Variants in C2orf42 observed in about 807,000 individuals in gnomAD.
C2orf42 encodes chromosome 2 open reading frame 42.
A neutral mutation model predicts 58.9 loss-of-function variants in C2orf42; 44 were observed. The observed-to-expected ratio is 0.75, with a 90% CI of 0.59 to 0.96. The LOEUF is 0.96. Among genes scored for constraint, C2orf42 ranks in the 40% least tolerant of loss-of-function variants. The pLI is 0.00. For missense variants in C2orf42, 630 were observed against 699.2 expected (o/e 0.90, Z 1.12); for synonymous variants, 239 against 265.4 (o/e 0.90, Z 0.97).
chr2:70,178,693 G>A (rs1674352107), intron 4 of C2orf42, among the ~76,000 whole-genome samples: 1 of 151,886 alleles, frequency 6.6e-6, no homozygotes, highest in East Asian at 1.9e-4. Flanking sequence ...CCAGCACTAT[G>A]GGAAGCCAAA....
chr2:70,165,646 C>A lies in C2orf42; in HGVS notation c.1145-11G>T. ...ATGGTTCTGGTTTGCCTATGGGAAA[C>A]AAGAAGAAACAACTCATTTAAAGAA... On this transcript the variant is annotated splice_polypyrimidine_tract_variant and intron_variant, in intron 6 of 9. Coordinates refer to ENST00000264434, the MANE Select transcript of C2orf42 (RefSeq NM_017880.3). 7.0e-7 allele frequency: 1 copy of A among 1,423,590 alleles called. No individual in the cohort carries two copies. Among genetic ancestry groups the A allele is most frequent in the East Asian group, 2.3e-5 (1 of 43,822 alleles). 88.2% of individuals were successfully genotyped at this position (1,423,590 alleles called of 1,614,324 possible).
Position 70,181,271 on chromosome 2 carries a change from C to T in C2orf42, c.715G>A (p.Asp239Asn), listed in dbSNP as rs1223346262. The T allele has an allele frequency of 6.2e-7, 1 of 1,613,560 alleles. No individual in the cohort carries two copies. Among genetic ancestry groups the T allele is most frequent in the Non-Finnish European group, 8.5e-7 (1 of 1,179,658 alleles). Reference sequence around the variant, plus strand: ...TGAATGCATCTCTGGGCTGTCTCATCCTTGGAGGCATTTGACTTGTGCGAT... The same window carrying T: ...TGAATGCATCTCTGGGCTGTCTCATTCTTGGAGGCATTTGACTTGTGCGAT... The part of the protein sequence containing the change: ...LKSHKSNASK[D>N]ETAQRCIHFF... Residue 239 changes from aspartate (D) to asparagine (N), a missense_variant, in exon 3 of 10, where the codon GAT becomes AAT. Asp to Asn is a conservative substitution (Grantham distance 23). Transcript: ENST00000264434.
chr2:70,173,952 A>G (rs1274605465), intron 5 of C2orf42, among the ~76,000 whole-genome samples: 1 of 152,150 alleles, frequency 6.6e-6, no homozygotes, highest in Non-Finnish European at 1.5e-5. Context: ...AGTAATAAGC[A>G]ATAAGATGAA....
chr2:70,167,193 C>A (rs1056878527), intron 6 of C2orf42, among the ~76,000 whole-genome samples: 1 of 151,356 alleles, frequency 6.6e-6, no homozygotes, highest in Non-Finnish European at 1.5e-5. Flanking sequence ...TCCATCTCTA[C>A]TAAAAATACA....
intron 5 of C2orf42, among the ~76,000 whole-genome samples, chr2:70,174,381 T>C (rs1047244219): frequency 2.0e-5 from 3 of 152,126 alleles, no homozygotes; most frequent in Non-Finnish European, 4.4e-5. Context: ...CACGCAGTTG[T>C]AAGAAATATA....
intron 4 of C2orf42, 83 bp from the exon 5 acceptor site, chr2:70,175,860 T>C (rs1674157648): frequency 5.7e-6 from 5 of 869,788 alleles, no homozygotes; most frequent in Non-Finnish European, 1.9e-6. Flanking sequence ...GTCTAAAACA[T>C]ATAAACAGTC....
intron 4 of C2orf42, 31 bp from the exon 5 acceptor site, chr2:70,175,808 T>G (rs764959439): frequency 1.6e-5 from 19 of 1,210,568 alleles, no homozygotes; most frequent in Non-Finnish European, 2.3e-5. Flanking sequence ...GGTTTAACAA[T>G]GTATCTGCTA....
rs534316122 is a variant in C2orf42, at chr2:70,158,456, T to C, written c.1516+2169A>G. Among the ~76,000 whole-genome samples the C allele has an allele frequency of 1.6e-3, 237 of 152,188 alleles. 1 individual carries two copies. Among genetic ancestry groups the C allele is most frequent in the African/African-American group, 5.5e-3 (227 of 41,512 alleles). On this transcript the variant is annotated intron_variant, in intron 9 of 9. Transcript: ENST00000264434. ...TTTATTTATTTATTTATTTGTTTGT[T>C]TGTTTGTTTTTGAGACAGAGTCTGG... is the stretch of plus-strand genomic sequence containing the variant.
At chr2:70,155,941 A>G (rs1281274456) in intron 9 of C2orf42, among the ~76,000 whole-genome samples, 2 of 152,194 alleles carry the variant, frequency 1.3e-5, no homozygotes, top group Non-Finnish European at 2.9e-5. Context: ...AGATCACCTG[A>G]GGTTGGGAAT....
chr2:70,153,633 T>A (rs1468864351), intron 9 of C2orf42, among the ~76,000 whole-genome samples: 2 of 143,952 alleles, frequency 1.4e-5, no homozygotes, highest in African/African-American at 5.2e-5. Flanking sequence ...TCTGGACAGA[T>A]CTTAATCTGT....
chr2:70,182,893 C>T lies in C2orf42; in HGVS notation c.-239G>A, dbSNP rs939947360. On this transcript the variant is annotated 5_prime_UTR_variant, in exon 2 of 10. Transcript: ENST00000264434. ...ATGGCAAAGCTTCTGCCCAATGTTC[C>T]GCAAATAAGATTCCCACTTCCCTAA... The T allele has an allele frequency of 6.6e-5, 10 of 152,300 alleles. No individual in the cohort carries two copies. The highest frequency in any genetic ancestry group is 2.2e-4 in the African/African-American group (9 of 41,568). 9.4% of individuals were successfully genotyped at this position (152,300 alleles called of 1,614,324 possible).
intron 8 of C2orf42, among the ~76,000 whole-genome samples, chr2:70,161,832 G>C (rs1456611645): frequency 3.7e-5 from 5 of 134,692 alleles, no homozygotes; most frequent in African/African-American, 8.9e-5. Context: ...AAGAGTGAAA[G>C]TCCGTGTCAA....
At chr2:70,168,687 T>G (rs1004816684) in intron 6 of C2orf42, among the ~76,000 whole-genome samples, 3 of 150,992 alleles carry the variant, frequency 2.0e-5, no homozygotes, top group African/African-American at 7.3e-5. Flanking sequence ...ATCCAGCCTG[T>G]GTTCTCCAAT....
chr2:70,152,227 C>T lies in C2orf42; in HGVS notation c.1517-1663G>A, dbSNP rs533096642. Among the ~76,000 whole-genome samples, 12 of 152,284 alleles carry T rather than the reference C, an allele frequency of 7.9e-5. No individual in the cohort carries two copies. In the South Asian group the frequency reaches 2.5e-3, roughly 32 times the overall value. ...TGATGAGAAACAAAGCATCCATCCA[C>T]CCACCCCAGACTAACAACTTCATTG... is the stretch of plus-strand genomic sequence containing the variant. On this transcript the variant is annotated intron_variant, in intron 9 of 9. Coordinates refer to ENST00000264434, the MANE Select transcript of C2orf42 (RefSeq NM_017880.3).
intron 1 of C2orf42, chr2:70,190,661 G>A (rs987361067): frequency 6.6e-6 from 1 of 152,124 alleles, no homozygotes; most frequent in Non-Finnish European, 1.5e-5. Flanking sequence ...TGCAGTCAAC[G>A]GAGCGGCCGC....
chr2:70,174,544 G>T (rs1157577567), intron 5 of C2orf42, among the ~76,000 whole-genome samples: 1 of 152,092 alleles, frequency 6.6e-6, no homozygotes, highest in Non-Finnish European at 1.5e-5. Flanking sequence ...CATGCATATA[G>T]TTCCATGCAA....
chr2:70,182,720 T>C lies in C2orf42; in HGVS notation c.-66A>G, dbSNP rs1180478103. 1 of 152,190 alleles carries C rather than the reference T, an allele frequency of 6.6e-6. No homozygotes were observed. Among genetic ancestry groups the C allele is most frequent in the Admixed American group, 6.5e-5 (1 of 15,268 alleles). The allele number at this position is 152,190 out of a possible 1,614,324, so 9.4% of individuals were successfully genotyped here. On this transcript the variant is annotated 5_prime_UTR_variant, in exon 2 of 10. Transcript: ENST00000264434. ...ACAGTGTAACCTGAATTCATAAGAC[T>C]TAAAAGGTGTTTCATTAGTTTCTAA...
At chr2:70,186,287 G>A (rs997633530) in intron 1 of C2orf42, among the ~76,000 whole-genome samples, 57 of 151,334 alleles carry the variant, frequency 3.8e-4, no homozygotes, top group African/African-American at 1.4e-3. Flanking sequence ...GCTACGATAC[G>A]ACATATATAT....
At chr2:70,161,247 A>G (rs1166939003) in intron 8 of C2orf42, among the ~76,000 whole-genome samples, 2 of 152,188 alleles carry the variant, frequency 1.3e-5, no homozygotes, top group Non-Finnish European at 2.9e-5. Flanking sequence ...GGTGACCCAG[A>G]GCAAATTACA....
Sources: gnomAD v4.1 joint callset for allele counts (sites outside exome capture counted in the v4.1 genomes callset) on GRCh38, gnomAD v4.1.1 for gene constraint, MANE v1.5 for transcripts, NCBI Gene and HGNC (gene_info 2026-07-23, HGNC 2026-07-21) for gene names.